Variants in MCPH1 observed in about 807,000 individuals in gnomAD.
MCPH1 encodes the protein microcephalin.
A neutral mutation model predicts 84.5 loss-of-function variants in MCPH1; 104 were observed. The observed-to-expected ratio is 1.23, with a 90% CI of 1.05 to 1.45. The LOEUF (loss-of-function observed/expected upper bound fraction) is 1.45, where lower values mean the gene tolerates loss of function less well. Among genes scored for constraint, MCPH1 ranks in the 40% most tolerant of loss-of-function variants. The pLI is 0.00. For missense variants in MCPH1, 1,498 were observed against 1,005.7 expected (o/e 1.49, Z -6.62); for synonymous variants, 514 against 366.8 (o/e 1.40, Z -4.58).
chr8:6,623,118 G>T lies in MCPH1; in HGVS notation c.2452+1427G>T, dbSNP rs1289679678. ...TCCTCCTGCTTTGGCTTCCCAAAGT[G>T]CTGGGATTACAGGTGTGAGCCACTG... is the stretch of plus-strand genomic sequence containing the variant. On this transcript the variant is annotated intron_variant, in intron 13 of 13. Transcript: ENST00000344683. Among the ~76,000 whole-genome samples the T allele has an allele frequency of 2.7e-5, 4 of 148,312 alleles. No individual in the cohort carries two copies. The Admixed American group carries it at 2.8e-4, about 10-fold the overall frequency.
At chr8:6,492,311 T>G (rs1434525601) in intron 11 of MCPH1, among the ~76,000 whole-genome samples, 2 of 152,190 alleles carry the variant, frequency 1.3e-5, no homozygotes, top group Non-Finnish European at 2.9e-5. Context: ...TTCGCCCACT[T>G]GTTGATGGGG....
chr8:6,562,918 A>G (rs766149671), intron 12 of MCPH1: 1 of 1,591,074 alleles, frequency 6.3e-7, no homozygotes, highest in South Asian at 1.1e-5. Context: ...CAGAGTAAAG[A>G]AAACAATCTG....
chr8:6,415,488 G>A (rs1160374486), intron 3 of MCPH1, among the ~76,000 whole-genome samples: 1 of 151,838 alleles, frequency 6.6e-6, no homozygotes, highest in Non-Finnish European at 1.5e-5. Context: ...CGAGTAGCTG[G>A]GATTACAGGC....
intron 11 of MCPH1, among the ~76,000 whole-genome samples, chr8:6,497,938 A>G (rs766285537): frequency 8.9e-4 from 135 of 152,260 alleles, no homozygotes; most frequent in Non-Finnish European, 1.5e-3. Context: ...CTGCCTTACA[A>G]GTTTGTTCAA....
chr8:6,498,010 A>G (rs1000758463), intron 11 of MCPH1, among the ~76,000 whole-genome samples: 1 of 152,214 alleles, frequency 6.6e-6, no homozygotes, highest in Non-Finnish European at 1.5e-5. Context: ...ATCCAGTGCA[A>G]TAAGGGGGAA....
At chr8:6,629,997 A>C (rs936103044) in intron 13 of MCPH1, among the ~76,000 whole-genome samples, 1 of 152,216 alleles carries the variant, frequency 6.6e-6, no homozygotes, top group Non-Finnish European at 1.5e-5. Flanking sequence ...AAACTTCCCC[A>C]GTTTGGAGCA....
At chr8:6,480,623 G>A (rs1375015575) in intron 10 of MCPH1, 91 bp from the exon 11 acceptor site, 3 of 1,479,980 alleles carry the variant, frequency 2.0e-6, no homozygotes, top group Admixed American at 1.7e-5. Context: ...TGGCTTTCTA[G>A]TTTTATTAGT....
chr8:6,409,791 G>C (rs1798281483), intron 2 of MCPH1, among the ~76,000 whole-genome samples: 1 of 152,166 alleles, frequency 6.6e-6, no homozygotes, highest in South Asian at 2.1e-4. Context: ...CAGGACCATA[G>C]GGGTCATGTG....
chr8:6,486,496 G>A (rs1809946018), intron 11 of MCPH1, among the ~76,000 whole-genome samples: 1 of 152,168 alleles, frequency 6.6e-6, no homozygotes, highest in Non-Finnish European at 1.5e-5. Flanking sequence ...CAGTTCTTCA[G>A]AATTAGATGG....
At chr8:6,579,107 G>A (rs1209045005) in intron 12 of MCPH1, among the ~76,000 whole-genome samples, 1 of 152,196 alleles carries the variant, frequency 6.6e-6, no homozygotes, top group Admixed American at 6.5e-5. Flanking sequence ...TCCAGAGGAA[G>A]GGAGAACGTC....
intron 12 of MCPH1, among the ~76,000 whole-genome samples, chr8:6,605,166 C>T (rs1245183847): frequency 6.6e-6 from 1 of 152,148 alleles, no homozygotes; most frequent in Non-Finnish European, 1.5e-5. Context: ...CAGCCCCGCT[C>T]TTGTTGGGTC....
chr8:6,553,814 A>G (rs542621380), intron 12 of MCPH1, among the ~76,000 whole-genome samples: 1 of 152,254 alleles, frequency 6.6e-6, no homozygotes, highest in African/African-American at 2.4e-5. Flanking sequence ...CGGTCCTTAT[A>G]AAGTCCCACG....
intron 12 of MCPH1, among the ~76,000 whole-genome samples, chr8:6,587,243 G>T (rs961754030): frequency 6.6e-6 from 1 of 152,146 alleles, no homozygotes; most frequent in Non-Finnish European, 1.5e-5. Flanking sequence ...CAAATACAGA[G>T]CCCTCTCTCT....
chr8:6,535,232 C>G (rs772240723), intron 12 of MCPH1, among the ~76,000 whole-genome samples: 1 of 152,212 alleles, frequency 6.6e-6, no homozygotes, highest in Non-Finnish European at 1.5e-5. Flanking sequence ...ATACTGCCTT[C>G]CCCCATTTCT....
In MCPH1 at chr8:6,646,951, T is replaced by C. The variant is rs577907437; in HGVS notation, c.*3902T>C. 22 of 152,164 alleles carry C rather than the reference T, an allele frequency of 1.4e-4. 1 individual carries two copies. In the South Asian group the frequency reaches 4.6e-3, roughly 32 times the overall value. The allele number at this position is 152,164 out of a possible 1,614,324, so 9.4% of individuals were successfully genotyped here. A position where few individuals can be genotyped will look rare whatever the true frequency, so the allele number is the denominator to read the frequency against. On this transcript the variant is annotated 3_prime_UTR_variant, in exon 14 of 14. Transcript: ENST00000344683. ...AGGCATAATTCATTAAAAAAATAAG[T>C]TGGGCTTTGTCAAAATTTTAAGTTT...
intron 6 of MCPH1, among the ~76,000 whole-genome samples, chr8:6,439,787 A>C (rs1032819642): frequency 6.6e-6 from 1 of 152,214 alleles, no homozygotes; most frequent in Non-Finnish European, 1.5e-5. Context: ...TTATCTTTAA[A>C]ATTTTTAATT....
At chr8:6,448,980 AAT>A (rs1563226785) in intron 8 of MCPH1, among the ~76,000 whole-genome samples, 1 of 152,178 alleles carries the variant, frequency 6.6e-6, no homozygotes, top group Non-Finnish European at 1.5e-5. Flanking sequence ...TAATGAGAAA[AAT>A]AAAATAATTT....
In MCPH1 at chr8:6,458,866, G is replaced by A. The variant is rs377670652; in HGVS notation, c.1935+3614G>A. ...TCACCATGTTGACCAGGCTGGTCTC[G>A]AACTCCTGACCTCAAGTGATCTGCC... On this transcript the variant is annotated intron_variant, in intron 9 of 13. Transcript: ENST00000344683. 2.2e-4 allele frequency among the ~76,000 whole-genome samples: 33 copies of A among 152,176 alleles called. No individual in the cohort carries two copies. The South Asian group carries it at 6.6e-3, about 31-fold the overall frequency.
At position 6,545,665 on chromosome 8, in the gene MCPH1, G is replaced by T. The variant is rs537372416; in HGVS notation, c.2214+45736G>T. Among the ~76,000 whole-genome samples, 7 of 152,262 alleles carry T rather than the reference G, an allele frequency of 4.6e-5. No individual in the cohort carries two copies. The South Asian group carries it at 1.4e-3, about 32-fold the overall frequency. On this transcript the variant is annotated intron_variant, in intron 12 of 13. Coordinates refer to ENST00000344683, the MANE Select transcript of MCPH1 (RefSeq NM_024596.5). Reference sequence around the variant, plus strand: ...CATTTGCTCTTGGAAGACCAAGAAAGAATTCATGTGGTTCCCATTAGTCTA... The same window carrying T: ...CATTTGCTCTTGGAAGACCAAGAAATAATTCATGTGGTTCCCATTAGTCTA...
Sources: allele counts gnomAD v4.1 joint callset (sites outside exome capture counted in the v4.1 genomes callset), GRCh38; gene constraint gnomAD v4.1.1; transcripts MANE v1.5; gene names NCBI Gene and HGNC (gene_info 2026-07-23, HGNC 2026-07-21).